The following TENM2 variants were observed in gnomAD, a reference collection of about 807,000 sequenced individuals.
The protein encoded by TENM2 is teneurin transmembrane protein 2, also known as teneurin-2.
A neutral mutation model predicts 245.2 loss-of-function variants in TENM2; 52 were observed. The observed-to-expected ratio is 0.21, with a 90% CI of 0.17 to 0.27. TENM2 has a LOEUF of 0.27. Ranked by LOEUF, TENM2 falls within the 10% of genes least tolerant of loss-of-function variation. The pLI is 1.00. For missense variants in TENM2, 3,046 were observed against 3,666.8 expected (o/e 0.83, Z 4.37); for synonymous variants, 1,363 against 1,438.9 (o/e 0.95, Z 1.19).
intron 25 of TENM2, among the ~76,000 whole-genome samples, chr5:168,232,549 G>T (rs542564783): frequency 6.6e-6 from 1 of 152,350 alleles, no homozygotes; most frequent in Admixed American, 6.5e-5. Context: ...GAGAGAATGT[G>T]TGGGTATCAT....
chr5:167,000,349 C>T, the TENM2 span, among the ~76,000 whole-genome samples: 3 of 152,148 alleles, frequency 2.0e-5, no homozygotes, highest in Non-Finnish European at 4.4e-5. Flanking sequence ...GATTTTACTT[C>T]CATTTGCTTT....
chr5:168,252,689 C>CA (rs879943934), intron 27 of TENM2, among the ~76,000 whole-genome samples: 17 of 150,460 alleles, frequency 1.1e-4, no homozygotes, highest in South Asian at 2.1e-4. Context: ...ACTAAAAATA[C>CA]AAAAAAAATT....
Position 167,523,487 on chromosome 5 carries a change from G to A in TENM2, c.502+148014G>A, listed in dbSNP as rs535677012. Among the ~76,000 whole-genome samples the A allele has an allele frequency of 3.9e-5, 6 of 152,152 alleles. No homozygotes were observed. The East Asian group carries it at 9.7e-4, about 25-fold the overall frequency. On this transcript the variant is annotated intron_variant, in intron 2 of 28. Coordinates refer to ENST00000518659, the Ensembl canonical transcript of TENM2. ...TTCAGTGAGCCAACGTCAAATATCA[G>A]GGGATTTTACACATAAATGTGTAGA...
At chr5:168,068,845 TTGTG>T (rs34926603) in intron 7 of TENM2, among the ~76,000 whole-genome samples, 50,543 of 150,340 alleles carry the variant, frequency 0.34, 8,818 homozygotes, top group East Asian at 0.55. Flanking sequence ...CTCTGTGTGT[TTGTG>T]TGTGTGTGTG....
chr5:168,260,348 G>A (rs757096760), exon 28 of TENM2: 2 of 1,613,880 alleles, frequency 1.2e-6, no homozygotes, highest in Non-Finnish European at 1.7e-6. Flanking sequence ...CTTCCCGAGA[G>A]CCAAAATGTA....
chr5:167,635,402 T>C (rs1306118892), intron 2 of TENM2, among the ~76,000 whole-genome samples: 1 of 152,074 alleles, frequency 6.6e-6, no homozygotes, highest in Non-Finnish European at 1.5e-5. Flanking sequence ...CTTTCTTTTC[T>C]TTTTTATTCT....
the TENM2 span, among the ~76,000 whole-genome samples, chr5:167,019,658 T>C: frequency 6.6e-5 from 10 of 151,880 alleles, no homozygotes; most frequent in Non-Finnish European, 1.2e-4. Flanking sequence ...TTAGTAGAGA[T>C]GGGGTCTCAC....
chr5:166,981,929 G>C, the TENM2 span, among the ~76,000 whole-genome samples: 1 of 152,044 alleles, frequency 6.6e-6, no homozygotes, highest in Non-Finnish European at 1.5e-5. Flanking sequence ...CTCTTACATC[G>C]TTTGGTGTGG....
chr5:167,323,181 C>A (rs543211978), intron 1 of TENM2, among the ~76,000 whole-genome samples: 1 of 152,220 alleles, frequency 6.6e-6, no homozygotes, highest in South Asian at 2.1e-4. Flanking sequence ...TTTGAGACTA[C>A]CTAGTCTTTT....
rs111996221 is a variant in TENM2, at chr5:167,895,938, C to A, written c.712+19743C>A. On this transcript the variant is annotated intron_variant, in intron 3 of 28. Transcript: ENST00000518659. ...TTTATTGAGCATCTACTGTTATAGA[C>A]GTTATGCAACATACAGGAAATCTGA... is the stretch of plus-strand genomic sequence containing the variant. 6.4e-4 allele frequency among the ~76,000 whole-genome samples: 98 copies of A among 152,332 alleles called. 1 individual carries two copies. The highest frequency in any genetic ancestry group is 2.3e-3 in the African/African-American group (96 of 41,582).
At chr5:167,087,195 C>G in the TENM2 span, among the ~76,000 whole-genome samples, 1 of 152,284 alleles carries the variant, frequency 6.6e-6, no homozygotes, top group African/African-American at 2.4e-5. Context: ...TTCAAACATA[C>G]AAACCTCATG....
At chr5:167,783,354 G>A (rs1039876922) in intron 2 of TENM2, among the ~76,000 whole-genome samples, 8 of 152,064 alleles carry the variant, frequency 5.3e-5, no homozygotes, top group Admixed American at 1.3e-4. Flanking sequence ...GGAGTGAGCC[G>A]TGTTTGTGGA....
chr5:168,036,716 T>G (rs971126941), intron 5 of TENM2, among the ~76,000 whole-genome samples: 1 of 142,392 alleles, frequency 7.0e-6, no homozygotes, highest in African/African-American at 2.6e-5. Flanking sequence ...TGTATATATA[T>G]GTATGTGTAT....
intron 13 of TENM2, among the ~76,000 whole-genome samples, chr5:168,169,148 T>G (rs1254201485): frequency 6.6e-6 from 1 of 152,138 alleles, no homozygotes; most frequent in Non-Finnish European, 1.5e-5. Flanking sequence ...GTCAGGAACA[T>G]GACATGAGAG....
At chr5:167,452,948 T>TATATATTTTAA (rs1554157743) in intron 2 of TENM2, among the ~76,000 whole-genome samples, 1,799 of 47,520 alleles carry the variant, frequency 0.038, 209 homozygotes, top group East Asian at 0.08. Flanking sequence ...TATATATATA[T>TATATATTTTAA]ATATATATAT....
intron 1 of TENM2, among the ~76,000 whole-genome samples, chr5:167,314,102 G>A (rs1756207121): frequency 6.6e-6 from 1 of 152,210 alleles, no homozygotes; most frequent in African/African-American, 2.4e-5. Context: ...AATAATGTTG[G>A]AAGGAAATTG....
chr5:167,213,315 G>A, the TENM2 span, among the ~76,000 whole-genome samples: 2 of 152,208 alleles, frequency 1.3e-5, no homozygotes, highest in Non-Finnish European at 2.9e-5. Flanking sequence ...TTTCCTTGCA[G>A]AGTTGGAGGC....
chr5:167,062,242 A>G, the TENM2 span, among the ~76,000 whole-genome samples: 1 of 152,086 alleles, frequency 6.6e-6, no homozygotes, highest in Admixed American at 6.6e-5. Context: ...CTTCTTTAGT[A>G]TGGAATGTAA....
At chr5:167,914,042 A>G (rs565971406) in intron 3 of TENM2, among the ~76,000 whole-genome samples, 2 of 152,268 alleles carry the variant, frequency 1.3e-5, no homozygotes, top group East Asian at 3.9e-4. Flanking sequence ...TAGAAGGGAA[A>G]ATCACCTGTG....
Sources: allele counts gnomAD v4.1 joint callset (sites outside exome capture counted in the v4.1 genomes callset), GRCh38; gene constraint gnomAD v4.1.1; transcripts MANE v1.5; gene names NCBI Gene and HGNC (gene_info 2026-07-23, HGNC 2026-07-21).